Variants in SLC25A36 observed in about 807,000 individuals in gnomAD.
The protein encoded by SLC25A36 is solute carrier family 25 member 36.
A neutral mutation model predicts 35.3 loss-of-function variants in SLC25A36; 24 were observed. That is an observed-to-expected ratio of 0.68 (90% confidence interval 0.49 to 0.96). The LOEUF is 0.96. Among genes scored for constraint, SLC25A36 ranks in the 40% least tolerant of loss-of-function variants. SLC25A36 has a pLI of 0.00. For missense variants in SLC25A36, 294 were observed against 381.1 expected (o/e 0.77, Z 1.90); for synonymous variants, 141 against 132.2 (o/e 1.07, Z -0.46).
Position 140,941,961 on chromosome 3 carries a change from T to G in SLC25A36, c.-94T>G. 1 of 680,918 alleles carries G rather than the reference T, an allele frequency of 1.5e-6. No individual in the cohort carries two copies. Among genetic ancestry groups the G allele is most frequent in the South Asian group, 1.8e-5 (1 of 55,324 alleles). 42.2% of individuals were successfully genotyped at this position (680,918 alleles called of 1,614,324 possible). ...GCTCTCCTCGCCGTCCCCGGGGCGC[T>G]GTGCGTCTCCAGTCCGGGACCGAAG... On this transcript the variant is annotated 5_prime_UTR_variant, in exon 1 of 7. Coordinates refer to ENST00000324194, the MANE Select transcript of SLC25A36 (RefSeq NM_001104647.3).
chr3:140,947,733 A>T (rs1346670296), intron 1 of SLC25A36, among the ~76,000 whole-genome samples: 1 of 152,234 alleles, frequency 6.6e-6, no homozygotes, highest in Non-Finnish European at 1.5e-5. Flanking sequence ...ACTTAAAAAA[A>T]TGCTGTGTTA....
Position 140,976,607 on chromosome 3 carries a change from C to A in SLC25A36, c.*154C>A. ...TTTGTTGTAGGAATTATAGTAATCA[C>A]ACCACATTACTTGGCCTTTCGGTAA... On this transcript the variant is annotated 3_prime_UTR_variant, in exon 7 of 7. Coordinates refer to ENST00000324194, the MANE Select transcript of SLC25A36 (RefSeq NM_001104647.3). 2 of 445,488 alleles carry A rather than the reference C, an allele frequency of 4.5e-6. No individual in the cohort carries two copies. Among genetic ancestry groups the A allele is most frequent in the Non-Finnish European group, 7.4e-6 (2 of 270,634 alleles). The allele number at this position is 445,488 out of a possible 1,614,324, so 27.6% of individuals were successfully genotyped here.
chr3:140,948,518 G>C (rs1345950363), intron 1 of SLC25A36, among the ~76,000 whole-genome samples: 1 of 152,024 alleles, frequency 6.6e-6, no homozygotes, highest in African/African-American at 2.4e-5. Context: ...AATGCCCTAA[G>C]TAGAGTATCA....
chr3:140,949,641 A>G (rs904361293), intron 1 of SLC25A36, among the ~76,000 whole-genome samples: 2 of 152,192 alleles, frequency 1.3e-5, no homozygotes, highest in African/African-American at 4.8e-5. Context: ...CCAGGGGTAT[A>G]GTGACATTTA....
At chr3:140,948,423 C>G (rs1934226697) in intron 1 of SLC25A36, among the ~76,000 whole-genome samples, 1 of 152,034 alleles carries the variant, frequency 6.6e-6, no homozygotes, top group South Asian at 2.1e-4. Context: ...ACCTCATGAT[C>G]TGCCCACCTC....
intron 6 of SLC25A36, among the ~76,000 whole-genome samples, chr3:140,975,094 A>ATTTTTT (rs1272903563): frequency 2.0e-3 from 49 of 24,194 alleles, no homozygotes; most frequent in South Asian, 0.016. Context: ...AACAAGATAC[A>ATTTTTT]TTCTTTTTTT....
chr3:140,949,521 C>T (rs952488991), intron 1 of SLC25A36, among the ~76,000 whole-genome samples: 1 of 152,156 alleles, frequency 6.6e-6, no homozygotes. Context: ...TTGGCCTTCT[C>T]GTATCTTTTA....
In SLC25A36 at chr3:140,980,390, T is replaced by C. The variant is rs1935154242; in HGVS notation, c.*3937T>C. On this transcript the variant is annotated 3_prime_UTR_variant, in exon 7 of 7. Coordinates refer to ENST00000324194, the MANE Select transcript of SLC25A36 (RefSeq NM_001104647.3). ...TCTATTTTATTTAAGTTTTTCTGTA[T>C]TGTAGTTAACATCAAACATTGTCCA... Among the ~76,000 whole-genome samples the C allele has an allele frequency of 7.0e-6, 1 of 143,056 alleles. No individual in the cohort carries two copies. The highest frequency in any genetic ancestry group is 1.5e-5 in the Non-Finnish European group (1 of 66,134). The allele number at this position is 143,056 out of a possible 152,430, so 93.9% of individuals were successfully genotyped here.
Sources: gnomAD v4.1 joint callset for allele counts (sites outside exome capture counted in the v4.1 genomes callset) on GRCh38, gnomAD v4.1.1 for gene constraint, MANE v1.5 for transcripts, NCBI Gene and HGNC (gene_info 2026-07-23, HGNC 2026-07-21) for gene names.